Variants in TOX2 observed in about 807,000 individuals in gnomAD.
The protein encoded by TOX2 is TOX high mobility group box family member 2, also known as granulosa cell HMG box 1.
Under a neutral mutation model 47.4 loss-of-function variants are expected in TOX2, and 15 were observed. That is an observed-to-expected ratio of 0.32 (90% CI 0.21 to 0.49). The LOEUF (loss-of-function observed/expected upper bound fraction) is 0.49. TOX2 is among the 20% of genes least tolerant of loss of function. The pLI, the probability that TOX2 is intolerant of heterozygous loss-of-function variation, is 0.99. For missense variants in TOX2, 622 were observed against 673.1 expected, an observed-to-expected ratio of 0.92 and a Z score of 0.84; for synonymous variants, 290 against 296.6, an observed-to-expected ratio of 0.98 and a Z score of 0.23.
intron 1 of TOX2, among the ~76,000 whole-genome samples, chr20:43,926,689 C>A (rs1326668843): frequency 5.9e-5 from 9 of 152,196 alleles, no homozygotes; most frequent in Non-Finnish European, 1.2e-4. Context: ...TCTTTTCTCT[C>A]CTGTATCAGT....
At chr20:43,927,330 C>A (rs1350104870) in intron 1 of TOX2, among the ~76,000 whole-genome samples, 1 of 152,034 alleles carries the variant, frequency 6.6e-6, no homozygotes, top group East Asian at 1.9e-4. Context: ...TTGGTTAACC[C>A]TTTCCCCCAT....
chr20:43,938,209 C>T (rs749022392), intron 1 of TOX2, among the ~76,000 whole-genome samples: 17 of 152,232 alleles, frequency 1.1e-4, no homozygotes, highest in South Asian at 4.1e-4. Flanking sequence ...CCATGGCAAC[C>T]GGGATATGTC....
intron 2 of TOX2, among the ~76,000 whole-genome samples, chr20:43,975,385 T>C (rs2070058626): frequency 6.6e-6 from 1 of 152,212 alleles, no homozygotes; most frequent in Non-Finnish European, 1.5e-5. Flanking sequence ...TTTTTCTCAA[T>C]GGTTATTTCA....
chr20:44,045,422 C>A (rs2071397373), intron 3 of TOX2, among the ~76,000 whole-genome samples: 1 of 152,186 alleles, frequency 6.6e-6, no homozygotes, highest in African/African-American at 2.4e-5. Flanking sequence ...CTGGACAATG[C>A]CCCGCAGTTC....
intron 3 of TOX2, among the ~76,000 whole-genome samples, chr20:44,036,986 G>A (rs550237278): frequency 3.0e-4 from 46 of 152,036 alleles, no homozygotes; most frequent in African/African-American, 9.4e-4. Flanking sequence ...ATGGATTCTC[G>A]CTCTGTCGCC....
At chr20:44,056,447 T>G (rs1298016989) in intron 5 of TOX2, among the ~76,000 whole-genome samples, 1 of 152,150 alleles carries the variant, frequency 6.6e-6, no homozygotes, top group Non-Finnish European at 1.5e-5. Context: ...TCCTTGCCGT[T>G]TTATACAGTC....
At chr20:43,973,134 T>C (rs7351856) in intron 1 of TOX2, among the ~76,000 whole-genome samples, 1 of 152,218 alleles carries the variant, frequency 6.6e-6, no homozygotes, top group South Asian at 2.1e-4. Context: ...GCATTGTAAG[T>C]GTGATTAACA....
chr20:43,992,846 T>G, intron 2 of TOX2, among the ~76,000 whole-genome samples: 1 of 128,204 alleles, frequency 7.8e-6, no homozygotes, highest in South Asian at 2.6e-4. Context: ...CGTGTAGGGT[T>G]TACAAAAAAA....
intron 3 of TOX2, among the ~76,000 whole-genome samples, chr20:44,010,721 A>G (rs962916531): frequency 2.6e-5 from 4 of 152,214 alleles, no homozygotes; most frequent in Admixed American, 1.3e-4. Flanking sequence ...GTTTTCTTGC[A>G]TAATCCCCCC....
At chr20:43,947,018 A>G (rs2145368068) in intron 1 of TOX2, among the ~76,000 whole-genome samples, 1 of 152,276 alleles carries the variant, frequency 6.6e-6, no homozygotes, top group Middle Eastern at 3.4e-3. Context: ...ACCAGGAAAC[A>G]CCAGCTTCTG....
chr20:43,953,388 G>C (rs948048560), intron 1 of TOX2, among the ~76,000 whole-genome samples: 10 of 152,270 alleles, frequency 6.6e-5, no homozygotes, highest in Non-Finnish European at 1.3e-4. Context: ...TGTCTGTTGT[G>C]GCGCCCCTTG....
rs35133028 is a variant in TOX2 at position 43,957,567 on chromosome 20, C to CTTT, written c.100-15782_100-15780dup. Among the ~76,000 whole-genome samples, 837 of 105,700 alleles carry CTTT rather than the reference C, an allele frequency of 7.9e-3. 9 individuals are homozygous for CTTT. The highest frequency in any genetic ancestry group is 0.022 in the African/African-American group (681 of 30,444). The allele number at this position is 105,700 out of a possible 152,430, so 69.3% of individuals were successfully genotyped here. A position where few individuals can be genotyped will look rare whatever the true frequency, so the allele number is the denominator to read the frequency against. The stretch of plus-strand genomic sequence containing the variant: ...TTACCTGGCATAAAGTAAATGCCCT[C>CTTT]TTTTTTTTTTTTTTTTTTTTGGCTT... On this transcript the variant is annotated intron_variant, in intron 1 of 8. Coordinates refer to ENST00000341197, the MANE Select transcript of TOX2 (RefSeq NM_001098797.2).
chr20:44,034,158 G>C (rs1309604614), intron 3 of TOX2, among the ~76,000 whole-genome samples: 1 of 151,992 alleles, frequency 6.6e-6, no homozygotes, highest in Non-Finnish European at 1.5e-5. Context: ...CCATGCCTCA[G>C]TGCCTTTGCA....
chr20:44,034,919 C>G (rs1337873108), intron 3 of TOX2, among the ~76,000 whole-genome samples: 1 of 152,244 alleles, frequency 6.6e-6, no homozygotes, highest in Non-Finnish European at 1.5e-5. Flanking sequence ...TCACTCTGCT[C>G]AATCCTGCTC....
intron 3 of TOX2, among the ~76,000 whole-genome samples, chr20:44,041,021 A>T (rs2071323553): frequency 6.6e-6 from 1 of 152,060 alleles, no homozygotes; most frequent in South Asian, 2.1e-4. Context: ...GTTCTTGTGA[A>T]GGTTGTTTAC....
intron 2 of TOX2, among the ~76,000 whole-genome samples, chr20:43,991,766 C>A (rs914571105): frequency 6.6e-6 from 1 of 151,926 alleles, no homozygotes; most frequent in Admixed American, 6.6e-5. Context: ...GCTTCAGCCT[C>A]CTGAGTAGCT....
chr20:44,060,285 T>C (rs922969382), intron 5 of TOX2, among the ~76,000 whole-genome samples: 5 of 151,862 alleles, frequency 3.3e-5, no homozygotes, highest in African/African-American at 9.7e-5. Flanking sequence ...ATGAGAAAGA[T>C]AGACAGTAAA....
At chr20:43,925,373 G>A (rs189151078) in intron 1 of TOX2, among the ~76,000 whole-genome samples, 1 of 152,254 alleles carries the variant, frequency 6.6e-6, no homozygotes, top group East Asian at 1.9e-4. Flanking sequence ...GTGTGTGAGT[G>A]CAGACTCTAT....
At chr20:43,929,999 C>T (rs958306534) in intron 1 of TOX2, among the ~76,000 whole-genome samples, 1 of 152,214 alleles carries the variant, frequency 6.6e-6, no homozygotes, top group Non-Finnish European at 1.5e-5. Context: ...TGAGCCAATG[C>T]GCCCAGCTGC....
Sources: allele counts gnomAD v4.1 joint callset (sites outside exome capture counted in the v4.1 genomes callset), GRCh38; gene constraint gnomAD v4.1.1; transcripts MANE v1.5; gene names NCBI Gene and HGNC (gene_info 2026-07-23, HGNC 2026-07-21).